Variants in VOPP1 observed in about 807,000 individuals in gnomAD.
VOPP1 encodes the protein VOPP1 WW domain binding protein.
VOPP1 carries 8 observed loss-of-function variants against 23.5 expected under a neutral mutation model. The observed-to-expected ratio is 0.34, with a 90% CI of 0.20 to 0.61. VOPP1 has a LOEUF of 0.61. Among genes scored for constraint, VOPP1 ranks in the 20% least tolerant of loss-of-function variants. VOPP1 has a pLI of 0.78. For missense variants in VOPP1, 174 were observed against 238.1 expected (o/e 0.73, Z 1.77); for synonymous variants, 83 against 97.3 (o/e 0.85, Z 0.86).
intron 4 of VOPP1, among the ~76,000 whole-genome samples, chr7:55,454,634 G>A (rs772987221): frequency 6.6e-6 from 1 of 152,164 alleles, no homozygotes; most frequent in African/African-American, 2.4e-5. Context: ...GGGATGCAAC[G>A]CTGGTTCAAC....
At chr7:55,518,546 T>C (rs2129039977) in intron 2 of VOPP1, among the ~76,000 whole-genome samples, 1 of 152,222 alleles carries the variant, frequency 6.6e-6, no homozygotes, top group East Asian at 1.9e-4. Context: ...AACAAACTTT[T>C]ATGGGGACAG....
chr7:55,553,271 C>T (rs191829958), intron 1 of VOPP1, among the ~76,000 whole-genome samples: 30 of 152,326 alleles, frequency 2.0e-4, no homozygotes, highest in Non-Finnish European at 3.5e-4. Context: ...TTAGTTCCAA[C>T]ACCTAACAGG....
chr7:55,530,278 G>A (rs1197454590), intron 1 of VOPP1, among the ~76,000 whole-genome samples: 1 of 152,042 alleles, frequency 6.6e-6, no homozygotes, highest in African/African-American at 2.4e-5. Flanking sequence ...TTTGATATTA[G>A]CCATCTAGTA....
chr7:55,463,442 T>C lies in VOPP1; in HGVS notation n.418-27268A>G, dbSNP rs1273142439. 9.8e-5 allele frequency among the ~76,000 whole-genome samples: 15 copies of C among 152,354 alleles called. No individual in the cohort carries two copies. In the East Asian group the frequency reaches 1.2e-3, roughly 12 times the overall value. On this transcript the variant is annotated intron_variant and non_coding_transcript_variant, in intron 4 of 4. Transcript: ENST00000462326. ...ATTGGCTTTCATAGGAAAAGACTTT[T>C]CCTGATAGATGTATCTATTGTATTG...
chr7:55,496,458 T>G (rs1045813242), intron 3 of VOPP1, among the ~76,000 whole-genome samples: 1 of 152,136 alleles, frequency 6.6e-6, no homozygotes, highest in African/African-American at 2.4e-5. Context: ...TGTTACAGAG[T>G]TTTAGGAAAT....
At position 55,497,609 on chromosome 7, in the gene VOPP1, C is replaced by G. The variant is rs762152091; in HGVS notation, c.191+4G>C. On this transcript the variant is annotated splice_donor_region_variant and intron_variant, in intron 3 of 4. Coordinates refer to ENST00000285279, the MANE Select transcript of VOPP1 (RefSeq NM_030796.5). The stretch of plus-strand genomic sequence containing the variant: ...GTAGGGAACAAGGAGGAGTTGTGAC[C>G]TACCAGAAGTACCACAGCCTCTGTA... 6.2e-7 allele frequency: 1 copy of G among 1,608,232 alleles called. No individual in the cohort carries two copies. Among genetic ancestry groups the G allele is most frequent in the African/African-American group, 1.3e-5 (1 of 74,436 alleles).
rs182793069 is a variant in VOPP1, at chr7:55,474,439, G to T, written c.329-1394C>A. On this transcript the variant is annotated intron_variant, in intron 4 of 4. Transcript: ENST00000285279. Reference sequence around the variant, plus strand: ...ACATTATGAAGGCTTCTGAATATTAGAGAAAAAATGGAGAAGAGAGAATGA... The same window carrying T: ...ACATTATGAAGGCTTCTGAATATTATAGAAAAAATGGAGAAGAGAGAATGA... Among the ~76,000 whole-genome samples the T allele has an allele frequency of 1.3e-4, 20 of 152,338 alleles. No homozygotes were observed. The East Asian group carries it at 3.1e-3, about 23-fold the overall frequency.
Position 55,438,523 on chromosome 7 carries a change from C to T in VOPP1, n.418-2349G>A, listed in dbSNP as rs146530672. Reference sequence around the variant, plus strand: ...TTGAAATAGAACGGTAACCATGACACCAAAGTCAACACTCGGAGAAAGTGA... The same window carrying T: ...TTGAAATAGAACGGTAACCATGACATCAAAGTCAACACTCGGAGAAAGTGA... On this transcript the variant is annotated intron_variant and non_coding_transcript_variant, in intron 4 of 4. Transcript: ENST00000462326. Among the ~76,000 whole-genome samples the T allele has an allele frequency of 8.9e-3, 1,351 of 152,210 alleles. 20 individuals carry two copies. Among genetic ancestry groups the T allele is most frequent in the African/African-American group, 0.029 (1,220 of 41,508 alleles).
In VOPP1 at chr7:55,540,442, T is replaced by A. The variant is rs183380518; in HGVS notation, c.55-19312A>T. 6.3e-3 allele frequency among the ~76,000 whole-genome samples: 851 copies of A among 136,020 alleles called. 10 individuals carry two copies. Among genetic ancestry groups the A allele is most frequent in the African/African-American group, 0.023 (795 of 35,180 alleles). The allele number at this position is 136,020 out of a possible 152,430, so 89.2% of individuals were successfully genotyped here. ...ATAAATAAATAAATAAATAAATAAA[T>A]AAAAATAAATGAACTCCCATTCCGT... On this transcript the variant is annotated intron_variant, in intron 1 of 4. Coordinates refer to ENST00000285279, the MANE Select transcript of VOPP1 (RefSeq NM_030796.5).
At chr7:55,518,949 G>A (rs987977012) in intron 2 of VOPP1, among the ~76,000 whole-genome samples, 5 of 152,174 alleles carry the variant, frequency 3.3e-5, no homozygotes, top group African/African-American at 4.8e-5. Context: ...ATGTGGATTC[G>A]GGTGAGGACA....
downstream of VOPP1, among the ~76,000 whole-genome samples, chr7:55,469,429 G>A (rs1181060510): frequency 2.0e-5 from 3 of 152,118 alleles, no homozygotes; most frequent in Admixed American, 2.0e-4. Flanking sequence ...TCACAAAAAT[G>A]GGTCATTTGC....
At chr7:55,549,766 A>G (rs1305073117) in intron 1 of VOPP1, among the ~76,000 whole-genome samples, 2 of 152,236 alleles carry the variant, frequency 1.3e-5, no homozygotes, top group Non-Finnish European at 2.9e-5. Flanking sequence ...CCACTTAGAC[A>G]AAGAACACCT....
intron 4 of VOPP1, among the ~76,000 whole-genome samples, chr7:55,465,493 C>T (rs1345537760): frequency 6.6e-6 from 1 of 152,182 alleles, no homozygotes; most frequent in Non-Finnish European, 1.5e-5. Flanking sequence ...AAGAAAATTC[C>T]TCCTTTCACA....
chr7:55,505,189 T>C (rs140577766), intron 2 of VOPP1, among the ~76,000 whole-genome samples: 1,672 of 152,266 alleles, frequency 0.011, 11 homozygotes, highest in Middle Eastern at 0.02. Flanking sequence ...CCAGGCAACT[T>C]TGCTCCTCCT....
chr7:55,516,357 T>C (rs778317746), intron 2 of VOPP1, among the ~76,000 whole-genome samples: 2 of 152,110 alleles, frequency 1.3e-5, no homozygotes, highest in Non-Finnish European at 2.9e-5. Flanking sequence ...TCCAGACCAA[T>C]AATGGAAAAA....
intron 4 of VOPP1, among the ~76,000 whole-genome samples, chr7:55,448,620 A>G (rs1290067334): frequency 6.6e-6 from 1 of 151,006 alleles, no homozygotes; most frequent in East Asian, 1.9e-4. Context: ...ATAGCCTGGA[A>G]TCCTCCGCGG....
intron 1 of VOPP1, among the ~76,000 whole-genome samples, chr7:55,560,451 T>C (rs1797948854): frequency 6.6e-6 from 1 of 152,102 alleles, no homozygotes; most frequent in African/African-American, 2.4e-5. Context: ...TGAGAGAAAT[T>C]AGAAGACACA....
At chr7:55,555,129 C>T (rs1163284394) in intron 1 of VOPP1, among the ~76,000 whole-genome samples, 1 of 152,140 alleles carries the variant, frequency 6.6e-6, no homozygotes, top group Non-Finnish European at 1.5e-5. Flanking sequence ...AAAAAGGAAC[C>T]AGTCTTAAAA....
At chr7:55,545,899 A>G (rs1374042165) in intron 1 of VOPP1, among the ~76,000 whole-genome samples, 1 of 145,440 alleles carries the variant, frequency 6.9e-6, no homozygotes. Context: ...CAAGACCCCA[A>G]CTCTACAAAA....
Sources: allele counts gnomAD v4.1 joint callset (sites outside exome capture counted in the v4.1 genomes callset), GRCh38; gene constraint gnomAD v4.1.1; transcripts MANE v1.5; gene names NCBI Gene and HGNC (gene_info 2026-07-23, HGNC 2026-07-21).